Variants in SEMA3A observed in about 807,000 individuals in gnomAD.
SEMA3A encodes semaphorin 3A, also known as semaphorin-3A.
SEMA3A carries 29 observed loss-of-function variants against 97.9 expected under a neutral mutation model. The observed-to-expected ratio is 0.30, with a 90% confidence interval of 0.22 to 0.40. The LOEUF (loss-of-function observed/expected upper bound fraction) is 0.40, where lower values mean the gene tolerates loss of function less well. Ranked by LOEUF, SEMA3A falls within the 10% of genes least tolerant of loss-of-function variation. The probability of loss-of-function intolerance (pLI) is 1.00; values close to 1 mark genes in which losing one functional copy is unlikely to be tolerated. For missense variants in SEMA3A, 763 were observed against 951.3 expected, an observed-to-expected ratio of 0.80 and a Z score of 2.60; for synonymous variants, 321 against 323.7, an observed-to-expected ratio of 0.99 and a Z score of 0.09.
At chr7:84,048,716 T>A (rs2115597585) in intron 5 of SEMA3A, among the ~76,000 whole-genome samples, 1 of 152,180 alleles carries the variant, frequency 6.6e-6, no homozygotes, top group Admixed American at 6.5e-5. Context: ...CTGAAAAATT[T>A]AATATCAGGA....
At chr7:84,477,073 A>AATATATAT (rs10531036) in intron 1 of SEMA3A, among the ~76,000 whole-genome samples, 4 of 140,570 alleles carry the variant, frequency 2.8e-5, no homozygotes, top group Non-Finnish European at 1.5e-5. Context: ...AAAAAAAAAA[A>AATATATAT]ATATATATAT....
chr7:84,352,755 T>C (rs897879882), intron 2 of SEMA3A, among the ~76,000 whole-genome samples: 2 of 151,862 alleles, frequency 1.3e-5, no homozygotes, highest in African/African-American at 4.8e-5. Flanking sequence ...CTTAACAATA[T>C]ACTGTTGTAT....
intron 3 of SEMA3A, among the ~76,000 whole-genome samples, chr7:84,121,996 C>A (rs761714283): frequency 6.4e-4 from 93 of 144,808 alleles, no homozygotes; most frequent in Non-Finnish European, 1.1e-3. Context: ...TTGCATGTGT[C>A]TTTATAGCAG....
At chr7:84,292,819 G>A (rs10272199) in intron 3 of SEMA3A, among the ~76,000 whole-genome samples, 1 of 152,032 alleles carries the variant, frequency 6.6e-6, no homozygotes, top group East Asian at 1.9e-4. Flanking sequence ...AAAGGCCTTA[G>A]GACATATTTT....
rs17158814 is a variant in SEMA3A, at chr7:84,297,576, T to C, written c.-83+9631A>G. Reference sequence around the variant, plus strand: ...CCAGAATACCAATCAAAATAACTAATCTACATAGGTCTTTGTGCAATGATC... The same window carrying C: ...CCAGAATACCAATCAAAATAACTAACCTACATAGGTCTTTGTGCAATGATC... On this transcript the variant is annotated intron_variant, in intron 3 of 3. Coordinates refer to the SEMA3A transcript ENST00000424555. 0.013 allele frequency among the ~76,000 whole-genome samples: 1,907 copies of C among 152,252 alleles called. 60 individuals carry two copies. The East Asian group carries it at 0.14, about 11-fold the overall frequency.
chr7:84,095,358 C>CAT (rs200107086), intron 4 of SEMA3A, among the ~76,000 whole-genome samples: 3,524 of 122,608 alleles, frequency 0.029, 70 homozygotes, highest in South Asian at 0.037. Context: ...TTTTTATATA[C>CAT]ATATATATAT....
chr7:84,320,896 A>G (rs1052233454), intron 2 of SEMA3A, among the ~76,000 whole-genome samples: 6 of 152,202 alleles, frequency 3.9e-5, no homozygotes, highest in African/African-American at 9.6e-5. Context: ...TTCATGTAAA[A>G]TTATTGTTAA....
At chr7:84,106,607 TG>T (rs1402041655) in intron 4 of SEMA3A, among the ~76,000 whole-genome samples, 1 of 152,220 alleles carries the variant, frequency 6.6e-6, no homozygotes, top group Non-Finnish European at 1.5e-5. Context: ...AAGGTTATTT[TG>T]CAAACGGTTG....
chr7:84,243,531 C>T (rs1001485153), intron 3 of SEMA3A, among the ~76,000 whole-genome samples: 2 of 151,878 alleles, frequency 1.3e-5, no homozygotes, highest in African/African-American at 4.8e-5. Context: ...TTTGATTCTT[C>T]TCTCTCTTCT....
chr7:84,136,948 AGGAGGGAGGGAAGAAG>A (rs1189115851), intron 1 of SEMA3A, among the ~76,000 whole-genome samples: 1 of 118,072 alleles, frequency 8.5e-6, no homozygotes, highest in Admixed American at 9.1e-5. Flanking sequence ...GAGGGAGGGA[AGGAGGGAGGGAAGAAG>A]GAAGGAAGGA....
chr7:83,963,152 C>T (rs1481093718), intron 16 of SEMA3A, 53 bp downstream of exon 16: 11 of 1,583,776 alleles, frequency 6.9e-6, no homozygotes, highest in Non-Finnish European at 8.6e-6. Flanking sequence ...ACAAGGATTA[C>T]ATTTAACAGT....
rs572229117 is a variant in SEMA3A, at chr7:84,105,753, G to A, written c.453+4717C>T. ...GAAGGGGAAATACCATATCCTGTAA[G>A]CCATTTGGGAATATTTTGCCTCTCA... On this transcript the variant is annotated intron_variant, in intron 4 of 16. Coordinates refer to ENST00000265362, the MANE Select transcript of SEMA3A (RefSeq NM_006080.3). 1.3e-4 allele frequency among the ~76,000 whole-genome samples: 20 copies of A among 152,158 alleles called. 1 individual carries two copies. In the South Asian group the frequency reaches 4.1e-3, roughly 32 times the overall value.
intron 1 of SEMA3A, among the ~76,000 whole-genome samples, chr7:84,440,317 T>C (rs532503108): frequency 1.7e-4 from 26 of 152,298 alleles, no homozygotes; most frequent in Admixed American, 2.6e-4. Flanking sequence ...CTTCCACCCC[T>C]CAGCACCATA....
chr7:84,424,610 A>G (rs1419262131), intron 1 of SEMA3A, among the ~76,000 whole-genome samples: 4 of 38,418 alleles, frequency 1.0e-4, no homozygotes, highest in Admixed American at 5.1e-4. Flanking sequence ...ATATTAATAT[A>G]TAATATAATA....
intron 6 of SEMA3A, among the ~76,000 whole-genome samples, chr7:84,019,091 A>G (rs1791218875): frequency 6.6e-6 from 1 of 152,192 alleles, no homozygotes; most frequent in Non-Finnish European, 1.5e-5. Context: ...AATTGAAAAT[A>G]GAACTGATGA....
intron 3 of SEMA3A, among the ~76,000 whole-genome samples, chr7:84,204,959 A>G (rs923563663): frequency 6.6e-6 from 1 of 152,326 alleles, no homozygotes; most frequent in East Asian, 1.9e-4. Context: ...GCTTGCACAG[A>G]AAGAATCGTA....
At chr7:83,982,175 A>G (rs1012047390) in intron 13 of SEMA3A, among the ~76,000 whole-genome samples, 2 of 126,736 alleles carry the variant, frequency 1.6e-5, no homozygotes, top group Non-Finnish European at 1.8e-5. Context: ...CCTGGATTCT[A>G]GGTCTCGCTG....
chr7:84,293,742 C>A (rs1304921034), intron 3 of SEMA3A, among the ~76,000 whole-genome samples: 1 of 151,760 alleles, frequency 6.6e-6, no homozygotes, highest in East Asian at 1.9e-4. Context: ...AATAGGTTTA[C>A]CTAAATTAGT....
chr7:84,146,942 T>C (rs1796480080), intron 1 of SEMA3A, among the ~76,000 whole-genome samples: 1 of 152,122 alleles, frequency 6.6e-6, no homozygotes, highest in Non-Finnish European at 1.5e-5. Flanking sequence ...ATTAGCAAAA[T>C]GAAAAAGAGG....
Sources: allele counts gnomAD v4.1 joint callset (sites outside exome capture counted in the v4.1 genomes callset), GRCh38; gene constraint gnomAD v4.1.1; transcripts MANE v1.5; gene names NCBI Gene and HGNC (gene_info 2026-07-23, HGNC 2026-07-21).